Variants in TENM2 observed in about 807,000 individuals in gnomAD.
The protein encoded by TENM2 is teneurin-2.
In TENM2, 52 loss-of-function variants were observed where a neutral mutation model predicts 245.2. That is an observed-to-expected ratio of 0.21 (90% CI 0.17 to 0.27). The LOEUF (loss-of-function observed/expected upper bound fraction) is 0.27, where lower values mean the gene tolerates loss of function less well. Ranked by LOEUF, TENM2 falls within the 10% of genes least tolerant of loss-of-function variation. TENM2 has a pLI of 1.00. For missense variants in TENM2, 3,046 were observed against 3,666.8 expected (o/e 0.83, Z 4.37); for synonymous variants, 1,363 against 1,438.9 (o/e 0.95, Z 1.19).
At chr5:167,844,931 A>G (rs1308798694) in intron 2 of TENM2, among the ~76,000 whole-genome samples, 4 of 150,438 alleles carry the variant, frequency 2.7e-5, no homozygotes, top group South Asian at 4.2e-4. Flanking sequence ...TTCTCCTAAC[A>G]CTTCTCTAAT....
chr5:168,181,562 G>A (rs760738139), intron 13 of TENM2, among the ~76,000 whole-genome samples: 36 of 151,942 alleles, frequency 2.4e-4, no homozygotes, highest in Non-Finnish European at 2.8e-4. Flanking sequence ...TTGGTACAAC[G>A]ATCTCTGGAC....
At chr5:167,693,450 C>A (rs572756894) in intron 2 of TENM2, among the ~76,000 whole-genome samples, 2 of 152,062 alleles carry the variant, frequency 1.3e-5, no homozygotes, top group African/African-American at 2.4e-5. Context: ...CATTGGGTTT[C>A]CAGAAGAATG....
intron 3 of TENM2, among the ~76,000 whole-genome samples, chr5:167,917,413 T>C (rs926733709): frequency 2.6e-5 from 4 of 151,972 alleles, no homozygotes; most frequent in African/African-American, 9.7e-5. Context: ...CTGGCTTCAT[T>C]TGTGAGTTGG....
chr5:167,793,147 C>G (rs551281051), intron 2 of TENM2, among the ~76,000 whole-genome samples: 17 of 152,262 alleles, frequency 1.1e-4, no homozygotes, highest in African/African-American at 3.9e-4. Context: ...GATGAATATT[C>G]TCACCTTCAC....
chr5:167,278,809 A>C, the TENM2 span, among the ~76,000 whole-genome samples: 2 of 152,198 alleles, frequency 1.3e-5, no homozygotes, highest in African/African-American at 4.8e-5. Flanking sequence ...CAACTATCAA[A>C]AAATTCTTAA....
At chr5:167,117,043 A>G in the TENM2 span, among the ~76,000 whole-genome samples, 1 of 152,258 alleles carries the variant, frequency 6.6e-6, no homozygotes, top group East Asian at 1.9e-4. Flanking sequence ...AAGATACTGC[A>G]GATGAGAACT....
chr5:167,089,469 A>G, the TENM2 span, among the ~76,000 whole-genome samples: 1 of 152,200 alleles, frequency 6.6e-6, no homozygotes, highest in Non-Finnish European at 1.5e-5. Context: ...TGAGAAAGAC[A>G]TTTGGGAGAT....
chr5:167,933,560 T>C (rs1316585226), intron 3 of TENM2, among the ~76,000 whole-genome samples: 1 of 152,214 alleles, frequency 6.6e-6, no homozygotes, highest in Non-Finnish European at 1.5e-5. Flanking sequence ...GGAATTATTA[T>C]ATCCACACAG....
At chr5:167,764,941 C>A (rs1468901847) in intron 2 of TENM2, among the ~76,000 whole-genome samples, 1 of 152,106 alleles carries the variant, frequency 6.6e-6, no homozygotes, top group East Asian at 1.9e-4. Flanking sequence ...AAGGATTCAT[C>A]CCAGCCTGGG....
intron 1 of TENM2, among the ~76,000 whole-genome samples, chr5:167,367,428 G>A (rs568887951): frequency 2.6e-5 from 4 of 152,202 alleles, no homozygotes; most frequent in South Asian, 4.1e-4. Flanking sequence ...CACTTACTCT[G>A]TTGTTTTAAG....
At chr5:167,577,916 G>T (rs1774822038) in intron 2 of TENM2, among the ~76,000 whole-genome samples, 1 of 152,210 alleles carries the variant, frequency 6.6e-6, no homozygotes, top group South Asian at 2.1e-4. Context: ...GGGAGAAAAG[G>T]TCGCTGCAGG....
At chr5:168,196,493 C>G (rs945395758) in intron 15 of TENM2, among the ~76,000 whole-genome samples, 33 of 152,188 alleles carry the variant, frequency 2.2e-4, no homozygotes, top group African/African-American at 7.7e-4. Context: ...CGGAGTCTCA[C>G]TCTTCTTGCC....
chr5:168,224,235 C>T (rs1763938254), intron 23 of TENM2, among the ~76,000 whole-genome samples: 2 of 152,214 alleles, frequency 1.3e-5, no homozygotes, highest in South Asian at 4.1e-4. Context: ...CTGATTACAA[C>T]ACCAGGGCTT....
At chr5:167,375,447 A>G in exon 2 of TENM2, 1 of 1,551,760 alleles carries the variant, frequency 6.4e-7, no homozygotes, top group Non-Finnish European at 8.7e-7. Context: ...GACTCTGACA[A>G]CGAAAACAAA....
chr5:167,711,577 C>G (rs988989479), intron 2 of TENM2, among the ~76,000 whole-genome samples: 1 of 152,204 alleles, frequency 6.6e-6, no homozygotes, highest in African/African-American at 2.4e-5. Context: ...CCAATCACAT[C>G]CCTTACATCA....
At chr5:167,156,618 G>A in the TENM2 span, among the ~76,000 whole-genome samples, 7 of 152,092 alleles carry the variant, frequency 4.6e-5, no homozygotes, top group African/African-American at 1.7e-4. Flanking sequence ...TTGGGCCCTC[G>A]TGCTGCTGTG....
chr5:168,025,335 A>G (rs1216656465), intron 5 of TENM2, among the ~76,000 whole-genome samples: 1 of 152,254 alleles, frequency 6.6e-6, no homozygotes, highest in Non-Finnish European at 1.5e-5. Context: ...AGATTCATTA[A>G]AAGTTTTGAG....
intron 2 of TENM2, among the ~76,000 whole-genome samples, chr5:167,411,602 G>GTA (rs1762913621): frequency 6.7e-6 from 1 of 148,292 alleles, no homozygotes; most frequent in Non-Finnish European, 1.5e-5. Context: ...GTGTGTGTGT[G>GTA]TGTGTGTATG....
intron 2 of TENM2, among the ~76,000 whole-genome samples, chr5:167,445,167 C>A (rs1765086301): frequency 6.6e-6 from 1 of 151,830 alleles, no homozygotes; most frequent in Non-Finnish European, 1.5e-5. Flanking sequence ...CCCTACATTT[C>A]CCCATTTAAT....
Sources: gnomAD v4.1 joint callset for allele counts (sites outside exome capture counted in the v4.1 genomes callset) on GRCh38, gnomAD v4.1.1 for gene constraint, MANE v1.5 for transcripts, NCBI Gene and HGNC (gene_info 2026-07-23, HGNC 2026-07-21) for gene names.